FNDC3B: variants seen among roughly 807,000 people sequenced by gnomAD.
FNDC3B encodes the protein fibronectin type III domain-containing protein 3B.
FNDC3B carries 12 observed loss-of-function variants against 151.5 expected under a neutral mutation model. That is an observed-to-expected ratio of 0.08 (90% CI 0.05 to 0.13). The LOEUF (loss-of-function observed/expected upper bound fraction) is 0.13. Among genes scored for constraint, FNDC3B ranks in the 10% least tolerant of loss-of-function variants. FNDC3B has a pLI of 1.00. For missense variants in FNDC3B, 1,214 were observed against 1,505.3 expected (o/e 0.81, Z 3.20); for synonymous variants, 528 against 549.0 (o/e 0.96, Z 0.54).
chr3:172,048,220 A>G (rs1170849864), intron 1 of FNDC3B, among the ~76,000 whole-genome samples: 6 of 152,222 alleles, frequency 3.9e-5, no homozygotes, highest in Non-Finnish European at 8.8e-5. Flanking sequence ...TTGTACATAT[A>G]GGATACTTAA....
intron 1 of FNDC3B, among the ~76,000 whole-genome samples, chr3:172,108,350 A>G (rs1340855850): frequency 6.6e-6 from 1 of 152,220 alleles, no homozygotes; most frequent in Non-Finnish European, 1.5e-5. Flanking sequence ...AACATGTGTA[A>G]TTTCCATTCG....
intron 2 of FNDC3B, among the ~76,000 whole-genome samples, chr3:172,121,284 A>T: frequency 6.6e-6 from 1 of 152,218 alleles, no homozygotes; most frequent in Middle Eastern, 3.2e-3. Flanking sequence ...TGTGTTTTAA[A>T]ATCTTTTAGT....
intron 2 of FNDC3B, among the ~76,000 whole-genome samples, chr3:172,117,395 G>A (rs1033798916): frequency 1.3e-5 from 2 of 152,174 alleles, no homozygotes; most frequent in African/African-American, 4.8e-5. Context: ...TAACTTACCT[G>A]TGTTTGTTAT....
chr3:172,051,995 T>G (rs1293185810), intron 1 of FNDC3B, among the ~76,000 whole-genome samples: 1 of 152,216 alleles, frequency 6.6e-6, no homozygotes, highest in East Asian at 1.9e-4. Context: ...AATTATAAGT[T>G]AAGGGAATTA....
intron 3 of FNDC3B, among the ~76,000 whole-genome samples, chr3:172,162,552 G>T (rs1197307589): frequency 2.0e-5 from 3 of 152,078 alleles, no homozygotes. Context: ...ACCATTTGAG[G>T]AATGGCCAGA....
intron 4 of FNDC3B, among the ~76,000 whole-genome samples, chr3:172,237,156 A>G (rs1727211458): frequency 6.6e-6 from 1 of 152,230 alleles, no homozygotes; most frequent in Non-Finnish European, 1.5e-5. Flanking sequence ...CCTGTCGGTA[A>G]GATTCATGCC....
chr3:172,284,680 A>G (rs1480001936), intron 6 of FNDC3B, among the ~76,000 whole-genome samples: 2 of 149,922 alleles, frequency 1.3e-5, no homozygotes, highest in African/African-American at 2.5e-5. Flanking sequence ...GTGCCTGCTT[A>G]TTATACACAG....
At chr3:172,220,013 C>T (rs890976694) in intron 3 of FNDC3B, among the ~76,000 whole-genome samples, 2 of 152,164 alleles carry the variant, frequency 1.3e-5, no homozygotes, top group Non-Finnish European at 2.9e-5. Context: ...TTTGCACCAA[C>T]CTAATACAAG....
chr3:172,361,913 C>T (rs1734383428), intron 22 of FNDC3B, among the ~76,000 whole-genome samples: 2 of 152,184 alleles, frequency 1.3e-5, no homozygotes, highest in South Asian at 4.1e-4. Flanking sequence ...CTCAGGCAAT[C>T]CTCCTGCCTC....
chr3:172,373,553 T>A (rs143141239), intron 23 of FNDC3B, among the ~76,000 whole-genome samples: 213 of 152,386 alleles, frequency 1.4e-3, no homozygotes, highest in Non-Finnish European at 2.7e-3. Context: ...GGATGCTTGG[T>A]ATATTTAGTT....
chr3:172,067,102 C>G (rs1717537747), intron 1 of FNDC3B, among the ~76,000 whole-genome samples: 2 of 152,156 alleles, frequency 1.3e-5, no homozygotes. Flanking sequence ...AAGACTTGGT[C>G]CGCAGTCTCC....
At chr3:172,320,415 A>G (rs1420185358) in intron 11 of FNDC3B, among the ~76,000 whole-genome samples, 2 of 152,144 alleles carry the variant, frequency 1.3e-5, no homozygotes, top group Non-Finnish European at 2.9e-5. Context: ...GAAGGAGGAC[A>G]GTGGAAAGAT....
At chr3:172,235,002 A>G (rs1727070525) in intron 4 of FNDC3B, among the ~76,000 whole-genome samples, 1 of 152,120 alleles carries the variant, frequency 6.6e-6, no homozygotes, top group Non-Finnish European at 1.5e-5. Context: ...TTAATTCTTT[A>G]TTGTACCAAG....
At chr3:172,072,733 TAAG>T (rs982216396) in intron 1 of FNDC3B, among the ~76,000 whole-genome samples, 81 of 152,276 alleles carry the variant, frequency 5.3e-4, no homozygotes, top group Middle Eastern at 6.8e-3. Flanking sequence ...AAGCAGCCAT[TAAG>T]AAGCAAGTGT....
intron 23 of FNDC3B, among the ~76,000 whole-genome samples, chr3:172,368,735 A>G (rs879762458): frequency 2.6e-5 from 4 of 152,198 alleles, no homozygotes; most frequent in Non-Finnish European, 4.4e-5. Context: ...TCTTGGCCAG[A>G]TGCGGTGACT....
intron 4 of FNDC3B, among the ~76,000 whole-genome samples, chr3:172,229,442 A>C (rs979753892): frequency 1.3e-5 from 2 of 151,950 alleles, no homozygotes; most frequent in South Asian, 4.2e-4. Flanking sequence ...TTTCATGTCC[A>C]TTATTTCCCC....
chr3:172,275,692 T>C (rs1729399750), intron 6 of FNDC3B, among the ~76,000 whole-genome samples: 2 of 152,246 alleles, frequency 1.3e-5, no homozygotes, highest in Non-Finnish European at 2.9e-5. Flanking sequence ...ATTTTCCGTA[T>C]AGACATTTCT....
At chr3:172,378,543 G>A in intron 24 of FNDC3B, 107 bp downstream of exon 24, 1 of 1,012,034 alleles carries the variant, frequency 9.9e-7, no homozygotes, top group Non-Finnish European at 1.4e-6. Flanking sequence ...CAGCAAGATA[G>A]AATCAAAAGA....
At chr3:172,190,535 G>A (rs1372232290) in intron 3 of FNDC3B, among the ~76,000 whole-genome samples, 1 of 152,154 alleles carries the variant, frequency 6.6e-6, no homozygotes, top group African/African-American at 2.4e-5. Context: ...AATATTAAAA[G>A]GCTCAAGTGG....
Sources: allele counts gnomAD v4.1 joint callset (sites outside exome capture counted in the v4.1 genomes callset), GRCh38; gene constraint gnomAD v4.1.1; transcripts MANE v1.5; gene names NCBI Gene and HGNC (gene_info 2026-07-23, HGNC 2026-07-21).